The following POMT1 variants were observed in gnomAD, a reference collection of about 807,000 sequenced individuals.
POMT1 encodes protein O-mannosyltransferase 1, also known as protein O-mannosyl-transferase 1.
A neutral mutation model predicts 101.6 loss-of-function variants in POMT1; 85 were observed. The ratio of observed to expected loss-of-function variants is 0.84; its 90% CI spans 0.70 to 1.00. The LOEUF is 1.00. POMT1 is among the 50% of genes least tolerant of loss of function. The probability of loss-of-function intolerance (pLI) is 0.00; values close to 1 mark genes in which losing one functional copy is unlikely to be tolerated. For missense variants in POMT1, 857 were observed against 930.4 expected (o/e 0.92, Z 1.03); for synonymous variants, 371 against 383.0 (o/e 0.97, Z 0.37).
rs1243886220 is a variant in POMT1, at chr9:131,523,308, G to A, written c.*202G>A. 10 of 643,904 alleles carry A rather than the reference G, an allele frequency of 1.6e-5. No individual in the cohort carries two copies. The highest frequency in any genetic ancestry group is 8.4e-5 in the East Asian group (3 of 35,818). The allele number at this position is 643,904 out of a possible 1,614,324, so 39.9% of individuals were successfully genotyped here. Reference sequence around the variant, plus strand: ...TTTTGTGCAAAGTTAATTTTTTCTCGACAATAAAGATATTCCGTGTCTTTA... The same window carrying A: ...TTTTGTGCAAAGTTAATTTTTTCTCAACAATAAAGATATTCCGTGTCTTTA... On this transcript the variant is annotated 3_prime_UTR_variant, in exon 20 of 20. Coordinates refer to ENST00000402686, the MANE Select transcript of POMT1 (RefSeq NM_001077365.2).
At chr9:131,516,232 T>A (rs78141479) in intron 13 of POMT1, among the ~76,000 whole-genome samples, 1 of 96,194 alleles carries the variant, frequency 1.0e-5, no homozygotes, top group Non-Finnish European at 2.2e-5. Flanking sequence ...CACGGAGCAC[T>A]TCCTCACACG....
chr9:131,514,242 C>T (rs1481354788), intron 12 of POMT1, among the ~76,000 whole-genome samples: 3 of 152,192 alleles, frequency 2.0e-5, no homozygotes, highest in Non-Finnish European at 2.9e-5. Flanking sequence ...AACCCACTTG[C>T]GTTGTTCCTC....
chr9:131,506,794 C>T (rs958728065), intron 4 of POMT1: 3 of 367,710 alleles, frequency 8.2e-6, no homozygotes, highest in Admixed American at 4.1e-5. Context: ...GTAGGCCGGG[C>T]GCGCTGGCTC....
chr9:131,512,094 T>C lies in POMT1; in HGVS notation c.1040T>C (p.Phe347Ser), dbSNP rs767712439. Residue 347 changes from phenylalanine to serine, a missense_variant, in exon 11 of 20, where the codon TTC (phenylalanine) becomes TCC (serine). Physicochemically the swap from Phe to Ser is radical, Grantham distance 155. Coordinates refer to ENST00000402686, the MANE Select transcript of POMT1 (RefSeq NM_001077365.2). ...SHQQQVTCYP[F>S]KDVNNWWIVK... is the part of the protein sequence containing the mutation. ...CAGCAACAGGTGACCTGTTACCCCT[T>C]CAAAGATGTCAATAACTGGTGGATT... is the stretch of plus-strand genomic sequence containing the variant. The C allele has an allele frequency of 1.2e-6, 2 of 1,614,072 alleles. No individual in the cohort carries two copies. The highest frequency in any genetic ancestry group is 2.7e-5 in the African/African-American group (2 of 75,020).
In POMT1 at chr9:131,510,435, C is replaced by T. The variant is rs1946866174; in HGVS notation, c.855+20C>T. ...TTAGAGGTAAGTAAGCAGTGGGCAT[C>T]GTGGCCACTGGAGAAGGAAGATGAT... On this transcript the variant is annotated intron_variant, in intron 9 of 19. Transcript: ENST00000402686. 1.9e-6 allele frequency: 3 copies of T among 1,610,380 alleles called. No homozygotes were observed. Among genetic ancestry groups the T allele is most frequent in the South Asian group, 1.1e-5 (1 of 91,002 alleles).
At position 131,520,062 on chromosome 9, in the gene POMT1, G is replaced by C. The variant is rs1189364432; in HGVS notation, c.1585-18G>C. The C allele has an allele frequency of 1.2e-6, 2 of 1,603,636 alleles. No individual in the cohort carries two copies. The highest frequency in any genetic ancestry group is 2.7e-5 in the African/African-American group (2 of 74,682). On this transcript the variant is annotated intron_variant, in intron 16 of 19. Coordinates refer to ENST00000402686, the MANE Select transcript of POMT1 (RefSeq NM_001077365.2). ...GCATCCCCCATCCTCAATCTCAGAG[G>C]CCTCTGCTTTGTTCCAGTGGAGGAT...
chr9:131,522,453 G>A lies in POMT1; in HGVS notation c.2003+229G>A, dbSNP rs1034875109. 1.0e-5 allele frequency: 9 copies of A among 857,766 alleles called. No homozygotes were observed. Among genetic ancestry groups the A allele is most frequent in the Non-Finnish European group, 1.6e-5 (9 of 572,016 alleles). 53.1% of individuals were successfully genotyped at this position (857,766 alleles called of 1,614,324 possible). A position where few individuals can be genotyped will look rare whatever the true frequency, so the allele number is the denominator to read the frequency against. The stretch of plus-strand genomic sequence containing the variant: ...GACAGAGATGAAAGCGGAGTGGGTG[G>A]GGAGACGGGGAGGGGATGAAGAGAT... On this transcript the variant is annotated intron_variant, in intron 19 of 19. Coordinates refer to ENST00000402686, the MANE Select transcript of POMT1 (RefSeq NM_001077365.2). The surrounding 1 kb of genome is among the most constrained non-coding windows in gnomAD (Gnocchi z 5.5).
chr9:131,523,273 G>T lies in POMT1; in HGVS notation c.*167G>T. ...GGGTCTCATTGAAAAGCTCTCTGAT[G>T]AGCACCTCCTTTTGTGCAAAGTTAA... is the stretch of plus-strand genomic sequence containing the variant. On this transcript the variant is annotated 3_prime_UTR_variant, in exon 20 of 20. Coordinates refer to ENST00000402686, the MANE Select transcript of POMT1 (RefSeq NM_001077365.2). 1.3e-6 allele frequency: 1 copy of T among 768,622 alleles called. No homozygotes were observed. The highest frequency in any genetic ancestry group is 2.1e-6 in the Non-Finnish European group (1 of 470,888). 47.6% of individuals were successfully genotyped at this position (768,622 alleles called of 1,614,324 possible).
chr9:131,513,856 T>C (rs1947687127), intron 12 of POMT1, among the ~76,000 whole-genome samples: 2 of 152,130 alleles, frequency 1.3e-5, no homozygotes, highest in African/African-American at 2.4e-5. Flanking sequence ...CACCGCCTCC[T>C]TTTCCTCTGT....
chr9:131,507,590 G>C, intron 5 of POMT1, 76 bp downstream of exon 5: 1 of 1,593,756 alleles, frequency 6.3e-7, no homozygotes, highest in South Asian at 1.1e-5. Flanking sequence ...GATCACATGG[G>C]CTTGGTGGGC....
chr9:131,511,839 C>A (rs1414809428), intron 10 of POMT1: 1 of 628,228 alleles, frequency 1.6e-6, no homozygotes, highest in Non-Finnish European at 2.8e-6. Flanking sequence ...TGGGCCCGAT[C>A]GATGACCCAC....
At chr9:131,509,213 C>A (rs772477921) in intron 6 of POMT1, among the ~76,000 whole-genome samples, 191 bp downstream of exon 6, 6 of 152,092 alleles carry the variant, frequency 3.9e-5, no homozygotes, top group Non-Finnish European at 5.9e-5. Context: ...TGTAATGGCG[C>A]AATCTCGGCT....
chr9:131,511,769 T>C, intron 10 of POMT1: 2 of 578,552 alleles, frequency 3.5e-6, no homozygotes, highest in Non-Finnish European at 6.1e-6. Flanking sequence ...TGAAACCCCT[T>C]GCTAGGTTGT....
Position 131,511,343 on chromosome 9 carries a change from C to A in POMT1, c.862C>A (p.Leu288Ile). ...CCTTCTGCTTCTGTCTCAGGGAGGA[C>A]TAGCTCGGATCACTCAGGGTCAGCC... ...SAFQASLEGG[L>I]ARITQGQPLE... The change falls in exon 10 of 20, where the codon CTA becomes ATA. Residue 288 changes from leucine (L) to isoleucine (I), a missense_variant. Leu to Ile is a conservative substitution (Grantham distance 5, BLOSUM62 2). Transcript: ENST00000402686. The A allele has an allele frequency of 1.2e-6, 2 of 1,612,682 alleles. No homozygotes were observed. The highest frequency in any genetic ancestry group is 1.7e-6 in the Non-Finnish European group (2 of 1,178,810).
intron 2 of POMT1, among the ~76,000 whole-genome samples, chr9:131,505,296 G>GTTT (rs1564329307): frequency 4.2e-4 from 12 of 28,824 alleles, no homozygotes; most frequent in South Asian, 2.2e-3. Flanking sequence ...AAAAGATGAG[G>GTTT]ATTTTTTTTT....
chr9:131,514,639 C>A (rs1169336119), intron 12 of POMT1, among the ~76,000 whole-genome samples: 1 of 152,186 alleles, frequency 6.6e-6, no homozygotes, highest in Non-Finnish European at 1.5e-5. Context: ...CACATGGTTA[C>A]TGAGTGTGTG....
In POMT1 at chr9:131,518,552, C is replaced by T. The variant is rs58896330; in HGVS notation, c.1365+15C>T. The T allele has an allele frequency of 8.2e-4, 1,310 of 1,607,162 alleles. 14 individuals are homozygous for T. The highest frequency in any genetic ancestry group is 3.3e-4 in the Middle Eastern group (2 of 6,046). ...CTGTCTTAAAGGTAAGGACACTGTCCGTGGCTTGGCCTGTCCTGAGCTGTG... is the reference window on the plus strand; with the variant it reads ...CTGTCTTAAAGGTAAGGACACTGTCTGTGGCTTGGCCTGTCCTGAGCTGTG... On this transcript the variant is annotated intron_variant, in intron 14 of 19. Transcript: ENST00000402686.
rs959884983 is a variant in POMT1 at position 131,523,276 on chromosome 9, C to G, written c.*170C>G. The G allele has an allele frequency of 1.1e-5, 8 of 757,066 alleles. No homozygotes were observed. In the Admixed American group the frequency reaches 1.9e-4, roughly 18 times the overall value. The allele number at this position is 757,066 out of a possible 1,614,324, so 46.9% of individuals were successfully genotyped here. On this transcript the variant is annotated 3_prime_UTR_variant, in exon 20 of 20. Transcript: ENST00000402686. ...TCTCATTGAAAAGCTCTCTGATGAGCACCTCCTTTTGTGCAAAGTTAATTT... is the reference window on the plus strand; with the variant it reads ...TCTCATTGAAAAGCTCTCTGATGAGGACCTCCTTTTGTGCAAAGTTAATTT...
At position 131,522,465 on chromosome 9, in the gene POMT1, G is replaced by A. The variant is rs1481916120; in HGVS notation, c.2003+241G>A. The A allele has an allele frequency of 2.3e-5, 18 of 785,774 alleles. No individual in the cohort carries two copies. In the East Asian group the frequency reaches 4.5e-4, roughly 20 times the overall value. The allele number at this position is 785,774 out of a possible 1,614,324, so 48.7% of individuals were successfully genotyped here. A position where few individuals can be genotyped will look rare whatever the true frequency, so the allele number is the denominator to read the frequency against. The stretch of plus-strand genomic sequence containing the variant: ...AGCGGAGTGGGTGGGGAGACGGGGA[G>A]GGGATGAAGAGATGTGGGTGGCCTG... On this transcript the variant is annotated intron_variant, in intron 19 of 19. Coordinates refer to ENST00000402686, the MANE Select transcript of POMT1 (RefSeq NM_001077365.2). This position sits in a 1 kb window ranked among gnomAD's most constrained non-coding sequence, Gnocchi z 5.5.
Sources: gnomAD v4.1 joint callset for allele counts (sites outside exome capture counted in the v4.1 genomes callset) on GRCh38, gnomAD v4.1.1 for gene constraint, Gnocchi (gnomAD v3.1) non-coding constraint, MANE v1.5 for transcripts, NCBI Gene and HGNC (gene_info 2026-07-23, HGNC 2026-07-21) for gene names.